The following CAMTA1 variants were observed in gnomAD, a reference collection of about 807,000 sequenced individuals.
CAMTA1 encodes calmodulin-binding transcription activator 1.
In CAMTA1, 27 loss-of-function variants were observed where a neutral mutation model predicts 170.9. That is an observed-to-expected ratio of 0.16 (90% CI 0.12 to 0.22). The LOEUF is 0.22. Ranked by LOEUF, CAMTA1 falls within the 10% of genes least tolerant of loss-of-function variation. The probability of loss-of-function intolerance (pLI) is 1.00; values close to 1 mark genes in which losing one functional copy is unlikely to be tolerated. For synonymous variants in CAMTA1, 833 were observed against 891.5 expected (o/e 0.93, Z 1.17); for missense variants, 1,619 against 2,217.2 (o/e 0.73, Z 5.42).
At chr1:7,460,180 G>A (rs1363184891) in intron 5 of CAMTA1, among the ~76,000 whole-genome samples, 1 of 152,242 alleles carries the variant, frequency 6.6e-6, no homozygotes. Context: ...AGCTGGGGAG[G>A]GGCCCGCCGT....
At chr1:7,217,040 T>A (rs528152759) in intron 4 of CAMTA1, among the ~76,000 whole-genome samples, 18 of 152,260 alleles carry the variant, frequency 1.2e-4, no homozygotes, top group Non-Finnish European at 2.4e-4. Flanking sequence ...TTTCTGAATC[T>A]CTTTGATATG....
At position 7,067,260 on chromosome 1, in the gene CAMTA1, G is replaced by C. The variant is rs1024480856; in HGVS notation, c.235-24044G>C. On this transcript the variant is annotated intron_variant, in intron 3 of 22. Coordinates refer to ENST00000303635, the MANE Select transcript of CAMTA1 (RefSeq NM_015215.4). This position sits in a 1 kb window ranked among gnomAD's most constrained non-coding sequence, Gnocchi z 4.3. ...TTCCTAGGGACGAAGGCCTCTCCCGGGGCTGGGAAGTTCCTGTCCCTTGTA... is the reference window on the plus strand; with the variant it reads ...TTCCTAGGGACGAAGGCCTCTCCCGCGGCTGGGAAGTTCCTGTCCCTTGTA... Among the ~76,000 whole-genome samples the C allele has an allele frequency of 1.3e-5, 2 of 152,190 alleles. No individual in the cohort carries two copies. The highest frequency in any genetic ancestry group is 2.9e-5 in the Non-Finnish European group (2 of 68,028).
At chr1:6,812,597 G>A (rs1289070131) in intron 1 of CAMTA1, among the ~76,000 whole-genome samples, 4 of 152,120 alleles carry the variant, frequency 2.6e-5, no homozygotes, top group Non-Finnish European at 5.9e-5. Context: ...TTGTACAAAT[G>A]TGGACATTTA....
chr1:7,705,552 G>C (rs1168688334), intron 11 of CAMTA1, among the ~76,000 whole-genome samples: 2 of 150,906 alleles, frequency 1.3e-5, no homozygotes, highest in African/African-American at 2.4e-5. Context: ...GGGCGCGCGG[G>C]GGCCCGGCCC....
intron 3 of CAMTA1, among the ~76,000 whole-genome samples, chr1:6,954,149 A>G (rs576475284): frequency 2.0e-5 from 3 of 152,360 alleles, no homozygotes; most frequent in Admixed American, 2.0e-4. Context: ...CCAGCCAGCC[A>G]GCCAGCTGGG....
chr1:7,553,609 A>T (rs2094836886), intron 6 of CAMTA1, among the ~76,000 whole-genome samples: 1 of 152,194 alleles, frequency 6.6e-6, no homozygotes, highest in African/African-American at 2.4e-5. Context: ...GACTGCACAG[A>T]TTTCCTGGAG....
chr1:7,218,240 T>C (rs1268391972), intron 4 of CAMTA1, among the ~76,000 whole-genome samples: 2 of 152,238 alleles, frequency 1.3e-5, no homozygotes, highest in Non-Finnish European at 2.9e-5. Flanking sequence ...AAATGCATCG[T>C]TGAGGTTTTT....
At chr1:7,480,956 A>G (rs2149626911) in intron 6 of CAMTA1, among the ~76,000 whole-genome samples, 1 of 152,230 alleles carries the variant, frequency 6.6e-6, no homozygotes, top group South Asian at 2.1e-4. Context: ...TTCCTCCCTG[A>G]ACTGCTCTTC....
At chr1:7,730,864 A>C (rs1401167240) in intron 11 of CAMTA1, among the ~76,000 whole-genome samples, 1 of 151,344 alleles carries the variant, frequency 6.6e-6, no homozygotes, top group Non-Finnish European at 1.5e-5. Context: ...ATGCCATTGC[A>C]CTCCAGCCTG....
intron 3 of CAMTA1, among the ~76,000 whole-genome samples, chr1:6,890,205 C>T (rs1674209568): frequency 6.6e-6 from 1 of 152,176 alleles, no homozygotes; most frequent in Non-Finnish European, 1.5e-5. Context: ...TCGTCAGTTT[C>T]CTACTCCATT....
chr1:7,582,638 A>G (rs2095271016), intron 6 of CAMTA1, among the ~76,000 whole-genome samples: 1 of 151,910 alleles, frequency 6.6e-6, no homozygotes, highest in African/African-American at 2.4e-5. Context: ...GGCTGCTCTA[A>G]CTCCAGCCAT....
At position 6,887,681 on chromosome 1, in the gene CAMTA1, G is replaced by A. The variant is rs1302620970; in HGVS notation, c.234+62471G>A. ...TCTCACCACACACTTGTTCATGGGC[G>A]CAGCAAAGAAGAGGGATCCACAGAG... On this transcript the variant is annotated intron_variant, in intron 3 of 22. Coordinates refer to ENST00000303635, the MANE Select transcript of CAMTA1 (RefSeq NM_015215.4). The surrounding 1 kb of genome is among the most constrained non-coding windows in gnomAD (Gnocchi z 4.1). 11 of 1,535,206 alleles carry A rather than the reference G, an allele frequency of 7.2e-6. No homozygotes were observed. Among genetic ancestry groups the A allele is most frequent in the South Asian group, 2.4e-5 (2 of 84,056 alleles).
intron 22 of CAMTA1, among the ~76,000 whole-genome samples, chr1:7,765,959 G>A (rs759101014): frequency 6.6e-5 from 10 of 151,460 alleles, no homozygotes; most frequent in East Asian, 1.9e-4. Flanking sequence ...CCCGGGAGGC[G>A]GAGGTTGCAG....
At chr1:7,339,911 C>T (rs1225808035) in intron 5 of CAMTA1, among the ~76,000 whole-genome samples, 7 of 152,174 alleles carry the variant, frequency 4.6e-5, no homozygotes, top group Non-Finnish European at 7.3e-5. Context: ...ATCTCACTCT[C>T]TTCTAGGCAT....
chr1:7,062,925 G>C (rs1378635317), intron 3 of CAMTA1, among the ~76,000 whole-genome samples: 1 of 152,208 alleles, frequency 6.6e-6, no homozygotes, highest in Non-Finnish European at 1.5e-5. Flanking sequence ...CCTTCTTGCA[G>C]AGACGTCAAT....
intron 6 of CAMTA1, among the ~76,000 whole-genome samples, chr1:7,477,435 G>A (rs183997159): frequency 4.9e-4 from 75 of 152,282 alleles, no homozygotes; most frequent in Non-Finnish European, 9.9e-4. Flanking sequence ...GGAATTTACG[G>A]TGCTGTGCAA....
At chr1:6,977,386 G>A (rs1280976122) in intron 3 of CAMTA1, among the ~76,000 whole-genome samples, 1 of 151,698 alleles carries the variant, frequency 6.6e-6, no homozygotes, top group Admixed American at 6.6e-5. Context: ...TGTCACCCAG[G>A]CTGGAGTGCA....
At chr1:6,906,599 T>C (rs527240190) in intron 3 of CAMTA1, among the ~76,000 whole-genome samples, 3 of 152,298 alleles carry the variant, frequency 2.0e-5, no homozygotes, top group East Asian at 1.9e-4. Flanking sequence ...TTAATAATTA[T>C]TGTTCAAGCA....
intron 4 of CAMTA1, among the ~76,000 whole-genome samples, chr1:7,095,970 G>T (rs1192896545): frequency 6.6e-6 from 1 of 152,226 alleles, no homozygotes; most frequent in African/African-American, 2.4e-5. Flanking sequence ...TGAAGTAAGA[G>T]CATGTCCTTC....
Sources: allele counts gnomAD v4.1 joint callset (sites outside exome capture counted in the v4.1 genomes callset), GRCh38; gene constraint gnomAD v4.1.1; non-coding constraint Gnocchi (gnomAD v3.1); transcripts MANE v1.5; gene names NCBI Gene and HGNC (gene_info 2026-07-23, HGNC 2026-07-21).